The following ELMO1 variants were observed in gnomAD, a reference collection of about 807,000 sequenced individuals.
ELMO1 encodes engulfment and cell motility protein 1.
ELMO1 carries 26 observed loss-of-function variants against 98.9 expected under a neutral mutation model. The observed-to-expected ratio is 0.26, with a 90% confidence interval of 0.19 to 0.36. ELMO1 has a LOEUF of 0.36. Among genes scored for constraint, ELMO1 ranks in the 10% least tolerant of loss-of-function variants. ELMO1 has a pLI of 1.00. For missense variants in ELMO1, 627 were observed against 935.2 expected, an observed-to-expected ratio of 0.67 and a Z score of 4.30; for synonymous variants, 346 against 346.0, an observed-to-expected ratio of 1.00 and a Z score of 0.00.
chr7:37,013,270 C>A lies in ELMO1; in HGVS notation c.1437+29G>T, dbSNP rs1291303065. 1.9e-6 allele frequency: 3 copies of A among 1,612,222 alleles called. No homozygotes were observed. The Admixed American group carries it at 5.0e-5, about 27-fold the overall frequency. On this transcript the variant is annotated intron_variant, in intron 16 of 21. Coordinates refer to ENST00000310758, the MANE Select transcript of ELMO1 (RefSeq NM_014800.11). ...CAGGCCCCTTTAGCGCTGCGGGAAT[C>A]CCCTGCCTCTATCCGAGATCCACAT...
chr7:37,345,637 G>A (rs1440328339), intron 1 of ELMO1, among the ~76,000 whole-genome samples: 2 of 151,906 alleles, frequency 1.3e-5, no homozygotes, highest in African/African-American at 4.8e-5. Flanking sequence ...AACCCGGGAG[G>A]TGGAGGTTGC....
intron 13 of ELMO1, among the ~76,000 whole-genome samples, chr7:37,148,634 G>A (rs1788153755): frequency 6.6e-6 from 1 of 152,130 alleles, no homozygotes; most frequent in Non-Finnish European, 1.5e-5. Flanking sequence ...AGCTGGTTAT[G>A]ATTTTTAAAA....
intron 1 of ELMO1, among the ~76,000 whole-genome samples, chr7:37,344,449 C>G (rs1800890957): frequency 6.6e-6 from 1 of 152,158 alleles, no homozygotes; most frequent in African/African-American, 2.4e-5. Context: ...GTGGATGTGT[C>G]CTATTTGATG....
At chr7:37,094,740 T>C (rs1332616674) in intron 15 of ELMO1, among the ~76,000 whole-genome samples, 1 of 152,110 alleles carries the variant, frequency 6.6e-6, no homozygotes, top group Non-Finnish European at 1.5e-5. Context: ...AGCCAGAAAA[T>C]GAACACAACT....
chr7:37,346,083 C>G (rs6970810), intron 1 of ELMO1, among the ~76,000 whole-genome samples: 3 of 151,766 alleles, frequency 2.0e-5, no homozygotes, highest in East Asian at 3.9e-4. Context: ...TCAGCAAGTG[C>G]GAAGGCCCCA....
At chr7:37,409,613 C>A (rs1479375889) in intron 1 of ELMO1, among the ~76,000 whole-genome samples, 2 of 152,158 alleles carry the variant, frequency 1.3e-5, no homozygotes, top group Non-Finnish European at 2.9e-5. Flanking sequence ...GGCCCGTGGG[C>A]CAGAGGCCTC....
chr7:37,393,856 G>T (rs950259845), intron 1 of ELMO1: 1 of 152,124 alleles, frequency 6.6e-6, no homozygotes, highest in East Asian at 1.9e-4. Context: ...GAAGGGCCTT[G>T]GGCATATCTT....
intron 17 of ELMO1, among the ~76,000 whole-genome samples, chr7:36,889,979 A>T (rs17391979): frequency 6.6e-6 from 1 of 152,172 alleles, no homozygotes; most frequent in Non-Finnish European, 1.5e-5. Context: ...GAATGGACTC[A>T]GTAGCCGTAA....
chr7:36,908,520 T>C (rs936897076), intron 16 of ELMO1, among the ~76,000 whole-genome samples: 1 of 151,864 alleles, frequency 6.6e-6, no homozygotes, highest in African/African-American at 2.4e-5. Context: ...TTTTGTTATA[T>C]AGCAAAGCCA....
chr7:36,855,734 A>G lies in ELMO1; in HGVS notation c.2001T>C (p.Asp667=), dbSNP rs774585018. 2 of 1,613,980 alleles carry G rather than the reference A, an allele frequency of 1.2e-6. No individual in the cohort carries two copies. The highest frequency in any genetic ancestry group is 2.2e-5 in the South Asian group (2 of 91,082). ...PDKHEYCIWT[D]GLNALLGKDM... is the part of the protein sequence containing the mutation. Reference sequence around the variant, plus strand: ...CCTTCCCGAGTAGCGCATTCAGTCCATCCGTCCAGATACAGTACTGGCAGG... The same window carrying G: ...CCTTCCCGAGTAGCGCATTCAGTCCGTCCGTCCAGATACAGTACTGGCAGG... Residue 667 remains aspartate (D), a synonymous_variant, in exon 22 of 22, where the codon GAT becomes GAC. Coordinates refer to ENST00000310758, the MANE Select transcript of ELMO1 (RefSeq NM_014800.11). The surrounding 1 kb of genome is among the most constrained non-coding windows in gnomAD (Gnocchi z 4.2).
intron 4 of ELMO1, among the ~76,000 whole-genome samples, chr7:37,276,227 C>A (rs901625644): frequency 5.9e-5 from 9 of 152,290 alleles, no homozygotes; most frequent in Admixed American, 1.3e-4. Context: ...GTCCTTAAAA[C>A]AGCCTGGCAA....
chr7:36,861,825 A>T, intron 20 of ELMO1, 89 bp from the exon 21 acceptor site: 2 of 1,285,322 alleles, frequency 1.6e-6, no homozygotes, highest in Non-Finnish European at 2.3e-6. Flanking sequence ...ACCATGGCAT[A>T]GGGCCAGCTT....
At chr7:37,111,274 G>C (rs1456576353) in intron 14 of ELMO1, among the ~76,000 whole-genome samples, 4 of 152,214 alleles carry the variant, frequency 2.6e-5, no homozygotes, top group Non-Finnish European at 5.9e-5. Flanking sequence ...GCACACGTAA[G>C]TTAACCTCAC....
intron 19 of ELMO1, 84 bp downstream of exon 19, chr7:36,877,926 T>G (rs1804102228): frequency 1.9e-6 from 2 of 1,058,722 alleles, no homozygotes; most frequent in Admixed American, 3.9e-5. Flanking sequence ...TTACTTAGGC[T>G]GATAGTTCTG....
intron 4 of ELMO1, among the ~76,000 whole-genome samples, chr7:37,298,106 A>G (rs1170717724): frequency 2.0e-5 from 3 of 152,148 alleles, no homozygotes; most frequent in African/African-American, 4.8e-5. Context: ...AGCAGCAGAC[A>G]CTGAAAAAAG....
At chr7:36,897,769 CTT>C (rs1183778341) in intron 16 of ELMO1, among the ~76,000 whole-genome samples, 4 of 152,304 alleles carry the variant, frequency 2.6e-5, no homozygotes, top group Admixed American at 6.5e-5. Flanking sequence ...TAGCTTAAGA[CTT>C]TGAACCTTGC....
chr7:37,361,852 C>G (rs1334055294), intron 1 of ELMO1, among the ~76,000 whole-genome samples: 2 of 152,156 alleles, frequency 1.3e-5, no homozygotes, highest in Admixed American at 1.3e-4. Flanking sequence ...GTCCCACCTA[C>G]TTGGGAGGCT....
At chr7:37,223,788 TA>T (rs1793723188) in intron 9 of ELMO1, among the ~76,000 whole-genome samples, 1 of 152,210 alleles carries the variant, frequency 6.6e-6, no homozygotes, top group African/African-American at 2.4e-5. Context: ...TTCTGTGACT[TA>T]AATTTTAAAT....
chr7:37,041,866 C>T (rs535765870), intron 15 of ELMO1, among the ~76,000 whole-genome samples: 1 of 152,182 alleles, frequency 6.6e-6, no homozygotes, highest in African/African-American at 2.4e-5. Context: ...TTTTCTTGAC[C>T]TTATTTTCTA....
Sources: allele counts gnomAD v4.1 joint callset (sites outside exome capture counted in the v4.1 genomes callset), GRCh38; gene constraint gnomAD v4.1.1; non-coding constraint Gnocchi (gnomAD v3.1); transcripts MANE v1.5; gene names NCBI Gene and HGNC (gene_info 2026-07-23, HGNC 2026-07-21).